The following MAPKAP1 variants were observed in gnomAD, a reference collection of about 807,000 sequenced individuals.
MAPKAP1 encodes MAPK associated protein 1.
Under a neutral mutation model 65.7 loss-of-function variants are expected in MAPKAP1, and 20 were observed. The observed-to-expected ratio is 0.30, with a 90% CI of 0.21 to 0.44. MAPKAP1 has a LOEUF of 0.44. MAPKAP1 is among the 20% of genes least tolerant of loss of function. The pLI, the probability that MAPKAP1 is intolerant of heterozygous loss-of-function variation, is 1.00. For missense variants in MAPKAP1, 423 were observed against 648.0 expected, an observed-to-expected ratio of 0.65 and a Z score of 3.77; for synonymous variants, 222 against 244.3, an observed-to-expected ratio of 0.91 and a Z score of 0.85.
At chr9:125,601,847 C>T (rs1014111762) in intron 4 of MAPKAP1, among the ~76,000 whole-genome samples, 3 of 152,214 alleles carry the variant, frequency 2.0e-5, no homozygotes, top group Non-Finnish European at 4.4e-5. Context: ...GAACCTACAC[C>T]TCTGGTGACA....
At chr9:125,693,656 CATACACACACATATACACGTATAT>C (rs1564620068) in intron 1 of MAPKAP1, among the ~76,000 whole-genome samples, 3 of 128,834 alleles carry the variant, frequency 2.3e-5, no homozygotes, top group Non-Finnish European at 3.1e-5. Flanking sequence ...TACACGTATA[CATACACACACATATACACGTATAT>C]ATACACGTAT....
chr9:125,441,762 C>T (rs1250935436), intron 11 of MAPKAP1, among the ~76,000 whole-genome samples: 1 of 152,120 alleles, frequency 6.6e-6, no homozygotes, highest in Non-Finnish European at 1.5e-5. Context: ...GGTACTGGTG[C>T]AAAGCTCACA....
chr9:125,584,249 C>A (rs1831712751), intron 5 of MAPKAP1, among the ~76,000 whole-genome samples: 1 of 152,078 alleles, frequency 6.6e-6, no homozygotes, highest in African/African-American at 2.4e-5. Flanking sequence ...GCTTTCTCTG[C>A]CACCAGAGCT....
At chr9:125,508,309 C>T (rs1237513810) in intron 7 of MAPKAP1, among the ~76,000 whole-genome samples, 1 of 152,140 alleles carries the variant, frequency 6.6e-6, no homozygotes, top group African/African-American at 2.4e-5. Flanking sequence ...GATGCTGGCA[C>T]GTAATACTGG....
intron 1 of MAPKAP1, among the ~76,000 whole-genome samples, chr9:125,685,844 T>A (rs1315757273): frequency 6.6e-6 from 1 of 152,150 alleles, no homozygotes; most frequent in Admixed American, 6.5e-5. Context: ...GGCTGTCCGG[T>A]GAGTTTACCA....
At chr9:125,636,839 A>G (rs939875637) in intron 4 of MAPKAP1, among the ~76,000 whole-genome samples, 1 of 152,262 alleles carries the variant, frequency 6.6e-6, no homozygotes, top group African/African-American at 2.4e-5. Context: ...TAAGTGGCAA[A>G]GCTAGGACTC....
At chr9:125,459,685 C>T (rs1402984199) in intron 10 of MAPKAP1, among the ~76,000 whole-genome samples, 6 of 152,320 alleles carry the variant, frequency 3.9e-5, no homozygotes, top group East Asian at 1.9e-4. Context: ...CGTGGCGGCA[C>T]GCGCCTGCAA....
At chr9:125,592,963 G>C (rs1832013395) in intron 4 of MAPKAP1, among the ~76,000 whole-genome samples, 1 of 142,338 alleles carries the variant, frequency 7.0e-6, no homozygotes, top group Admixed American at 7.1e-5. Flanking sequence ...GAAAAAGTAA[G>C]TTGAAATATA....
intron 9 of MAPKAP1, among the ~76,000 whole-genome samples, chr9:125,475,503 C>G (rs1854071531): frequency 6.6e-6 from 1 of 152,174 alleles, no homozygotes; most frequent in Non-Finnish European, 1.5e-5. Context: ...AATATGTGGT[C>G]AGTAAGAGAC....
intron 4 of MAPKAP1, among the ~76,000 whole-genome samples, chr9:125,635,063 C>G (rs1371174146): frequency 2.0e-5 from 3 of 152,186 alleles, no homozygotes; most frequent in African/African-American, 7.2e-5. Flanking sequence ...TGGACTCATT[C>G]TCTTGGGCAC....
chr9:125,686,327 A>G (rs1259455596), intron 1 of MAPKAP1, among the ~76,000 whole-genome samples: 1 of 151,068 alleles, frequency 6.6e-6, no homozygotes, highest in Non-Finnish European at 1.5e-5. Flanking sequence ...AAAAAAAAAG[A>G]AAAGAAAAAG....
At chr9:125,684,357 G>A (rs1259738882) in intron 1 of MAPKAP1, among the ~76,000 whole-genome samples, 3 of 152,068 alleles carry the variant, frequency 2.0e-5, no homozygotes, top group South Asian at 2.1e-4. Flanking sequence ...TGCCAGTGAC[G>A]CTAGTAAACA....
chr9:125,499,557 T>C (rs574742595), intron 8 of MAPKAP1, among the ~76,000 whole-genome samples: 2 of 152,266 alleles, frequency 1.3e-5, no homozygotes, highest in African/African-American at 4.8e-5. Flanking sequence ...TCCTTTAAGA[T>C]GAGGATGCTG....
chr9:125,595,818 C>A lies in MAPKAP1; in HGVS notation c.499-10091G>T. ...TGTGTGGTAATGAAAGATTCCAACACCAAGCGTTCCGGGGGTTTTGGGTTT... is the reference window on the plus strand; with the variant it reads ...TGTGTGGTAATGAAAGATTCCAACAACAAGCGTTCCGGGGGTTTTGGGTTT... On this transcript the variant is annotated intron_variant, in intron 4 of 11. Coordinates refer to ENST00000265960, the MANE Select transcript of MAPKAP1 (RefSeq NM_001006617.3). The surrounding 1 kb of genome is among the most constrained non-coding windows in gnomAD (Gnocchi z 4.0). 2.6e-6 allele frequency: 3 copies of A among 1,133,062 alleles called. No individual in the cohort carries two copies. The highest frequency in any genetic ancestry group is 2.3e-5 in the East Asian group (1 of 42,666). The allele number at this position is 1,133,062 out of a possible 1,614,324, so 70.2% of individuals were successfully genotyped here.
intron 4 of MAPKAP1, among the ~76,000 whole-genome samples, chr9:125,588,649 T>TGC (rs1205071033): frequency 6.6e-6 from 1 of 152,220 alleles, no homozygotes; most frequent in African/African-American, 2.4e-5. Context: ...TGAACTATTG[T>TGC]AACAGTTCCC....
At chr9:125,450,570 T>C (rs910356765) in intron 10 of MAPKAP1, among the ~76,000 whole-genome samples, 45 of 152,240 alleles carry the variant, frequency 3.0e-4, no homozygotes, top group African/African-American at 1.0e-3. Context: ...GCTATCTCTG[T>C]TGGGCTTCTG....
rs534703128 is a variant in MAPKAP1, at chr9:125,564,928, C to T, written c.672-5119G>A. On this transcript the variant is annotated intron_variant, in intron 5 of 11. Transcript: ENST00000265960. ...AACAAGTACAGGATAACTGGATCCACAGGAAGAGACTTAATTTTAGAGTTG... is the reference window on the plus strand; with the variant it reads ...AACAAGTACAGGATAACTGGATCCATAGGAAGAGACTTAATTTTAGAGTTG... Among the ~76,000 whole-genome samples the T allele has an allele frequency of 4.6e-5, 7 of 152,142 alleles. No homozygotes were observed. The South Asian group carries it at 1.5e-3, about 32-fold the overall frequency.
In MAPKAP1 at chr9:125,460,348, C is replaced by G. The variant is rs188306705; in HGVS notation, c.1345+7624G>C. ...TGATACCCTCAAAATGTTTTCTACTCTAACAAATATCAATATTCCAATCAA... is the reference window on the plus strand; with the variant it reads ...TGATACCCTCAAAATGTTTTCTACTGTAACAAATATCAATATTCCAATCAA... On this transcript the variant is annotated intron_variant, in intron 10 of 11. Coordinates refer to ENST00000265960, the MANE Select transcript of MAPKAP1 (RefSeq NM_001006617.3). 2.7e-3 allele frequency among the ~76,000 whole-genome samples: 412 copies of G among 152,072 alleles called. 3 individuals carry two copies. The highest frequency in any genetic ancestry group is 9.7e-3 in the African/African-American group (403 of 41,518).
chr9:125,452,660 A>C (rs1419891977), intron 10 of MAPKAP1, among the ~76,000 whole-genome samples: 1 of 151,980 alleles, frequency 6.6e-6, no homozygotes, highest in African/African-American at 2.4e-5. Context: ...TCACGCCTGT[A>C]ATCCCAGCAC....
Sources: gnomAD v4.1 joint callset for allele counts (sites outside exome capture counted in the v4.1 genomes callset) on GRCh38, gnomAD v4.1.1 for gene constraint, Gnocchi (gnomAD v3.1) non-coding constraint, MANE v1.5 for transcripts, NCBI Gene and HGNC (gene_info 2026-07-23, HGNC 2026-07-21) for gene names.